Variants in MAP2 observed in about 807,000 individuals in gnomAD.
MAP2 encodes the protein microtubule-associated protein 2.
A neutral mutation model predicts 137.6 loss-of-function variants in MAP2; 14 were observed. The observed-to-expected ratio is 0.10, with a 90% CI of 0.07 to 0.16. The LOEUF (loss-of-function observed/expected upper bound fraction) is 0.16. MAP2 is among the 10% of genes least tolerant of loss of function. The pLI is 1.00. For missense variants in MAP2, 2,088 were observed against 2,191.5 expected, an observed-to-expected ratio of 0.95 and a Z score of 0.94; for synonymous variants, 786 against 782.3, an observed-to-expected ratio of 1.00 and a Z score of -0.08.
chr2:209,495,752 A>G (rs2059676494), intron 1 of MAP2, among the ~76,000 whole-genome samples: 1 of 152,236 alleles, frequency 6.6e-6, no homozygotes, highest in Admixed American at 6.5e-5. Flanking sequence ...AGAATGATTG[A>G]GTTGTATTAA....
At chr2:209,615,879 G>A (rs1262943500) in intron 3 of MAP2, among the ~76,000 whole-genome samples, 1 of 152,048 alleles carries the variant, frequency 6.6e-6, no homozygotes, top group Non-Finnish European at 1.5e-5. Flanking sequence ...TCCTTTGAGT[G>A]GTATCTTCAC....
intron 2 of MAP2, among the ~76,000 whole-genome samples, chr2:209,549,326 G>A (rs1450434711): frequency 6.6e-6 from 1 of 152,112 alleles, no homozygotes; most frequent in African/African-American, 2.4e-5. Flanking sequence ...CTCTTCACCA[G>A]AACAGACTTG....
Position 209,715,217 on chromosome 2 carries a change from CTAGT to C in MAP2, c.5073+4967_5073+4970del, listed in dbSNP as rs528245058. Among the ~76,000 whole-genome samples, 750 of 151,858 alleles carry C rather than the reference CTAGT, an allele frequency of 4.9e-3. 5 individuals carry two copies. Among genetic ancestry groups the C allele is most frequent in the African/African-American group, 0.017 (686 of 41,458 alleles). ...AAAAATTAAGGTTTTAAAATAGAAG[CTAGT>C]TAGCTTTTTAATTTCTAAGGATAAT... On this transcript the variant is annotated intron_variant, in intron 13 of 15. Coordinates refer to ENST00000682079, the MANE Select transcript of MAP2 (RefSeq NM_001375505.1).
At chr2:209,518,777 G>GC (rs1559267441) in intron 2 of MAP2, among the ~76,000 whole-genome samples, 1 of 151,878 alleles carries the variant, frequency 6.6e-6, no homozygotes, top group Non-Finnish European at 1.5e-5. Context: ...GTCTGTTTTT[G>GC]TCGTAGGTTT....
chr2:209,625,920 T>C (rs1391450086), intron 4 of MAP2, among the ~76,000 whole-genome samples: 1 of 152,158 alleles, frequency 6.6e-6, no homozygotes, highest in Non-Finnish European at 1.5e-5. Context: ...AAACTCAAAA[T>C]TCCTATGATA....
intron 4 of MAP2, among the ~76,000 whole-genome samples, chr2:209,650,739 G>A (rs1051792121): frequency 3.3e-5 from 5 of 152,188 alleles, no homozygotes; most frequent in Non-Finnish European, 7.4e-5. Flanking sequence ...AGGGAAAACT[G>A]TATGCAAGGG....
chr2:209,646,049 G>A (rs1359633776), intron 4 of MAP2, among the ~76,000 whole-genome samples: 2 of 152,066 alleles, frequency 1.3e-5, no homozygotes, highest in Non-Finnish European at 2.9e-5. Context: ...AGCTGGGCAT[G>A]TGGCACATAG....
intron 13 of MAP2, among the ~76,000 whole-genome samples, chr2:209,723,244 G>A (rs1249273950): frequency 6.6e-6 from 1 of 152,168 alleles, no homozygotes; most frequent in African/African-American, 2.4e-5. Flanking sequence ...AACCACTATT[G>A]AACCTTACCT....
At chr2:209,463,488 C>T (rs955130691) in intron 1 of MAP2, among the ~76,000 whole-genome samples, 42 of 152,200 alleles carry the variant, frequency 2.8e-4, no homozygotes, top group Non-Finnish European at 4.4e-4. Flanking sequence ...GAGGAAGCAG[C>T]TTTCAACATA....
chr2:209,436,888 T>C (rs2149356354), intron 1 of MAP2, among the ~76,000 whole-genome samples: 1 of 151,872 alleles, frequency 6.6e-6, no homozygotes, highest in East Asian at 1.9e-4. Flanking sequence ...TTATGATTTC[T>C]CTTTATCCTA....
At position 209,723,819 on chromosome 2, in the gene MAP2, G is replaced by A. The variant is rs2072578268; in HGVS notation, c.5074-1890G>A. 4 of 622,206 alleles carry A rather than the reference G, an allele frequency of 6.4e-6. No individual in the cohort carries two copies. The Admixed American group carries it at 1.1e-4, about 16-fold the overall frequency. The allele number at this position is 622,206 out of a possible 1,614,324, so 38.5% of individuals were successfully genotyped here. A position where few individuals can be genotyped will look rare whatever the true frequency, so the allele number is the denominator to read the frequency against. On this transcript the variant is annotated intron_variant, in intron 13 of 15. Coordinates refer to ENST00000682079, the MANE Select transcript of MAP2 (RefSeq NM_001375505.1). ...CACTGCTGTTCCACATGTCTCCCTG[G>A]TATGATAGCTTGTAGCCTTGCATTT...
At chr2:209,706,253 G>T (rs912481008) in intron 12 of MAP2, among the ~76,000 whole-genome samples, 1 of 152,050 alleles carries the variant, frequency 6.6e-6, no homozygotes, top group Non-Finnish European at 1.5e-5. Flanking sequence ...TTCATGAACT[G>T]ATTGGCAATT....
At chr2:209,428,782 G>T (rs77222269) in intron 1 of MAP2, among the ~76,000 whole-genome samples, 243 of 151,920 alleles carry the variant, frequency 1.6e-3, no homozygotes, top group Non-Finnish European at 3.0e-3. Flanking sequence ...CCTCAAAAAG[G>T]CCTTTAAAAA....
At chr2:209,726,776 C>T (rs1226867469) in intron 14 of MAP2, among the ~76,000 whole-genome samples, 1 of 152,072 alleles carries the variant, frequency 6.6e-6, no homozygotes, top group Non-Finnish European at 1.5e-5. Context: ...AGAAAAAACT[C>T]TGCCTCCATA....
chr2:209,698,153 T>G (rs2060767132), intron 10 of MAP2, among the ~76,000 whole-genome samples: 1 of 152,104 alleles, frequency 6.6e-6, no homozygotes, highest in African/African-American at 2.4e-5. Context: ...CGGCCTGCTA[T>G]CTACTTATTA....
chr2:209,512,200 C>T (rs35241611), intron 2 of MAP2, among the ~76,000 whole-genome samples: 4,612 of 151,986 alleles, frequency 0.03, 87 homozygotes, highest in South Asian at 0.07. Flanking sequence ...CTTTTAAGCC[C>T]TCTATCAAAA....
chr2:209,445,277 G>A (rs1015752140), intron 1 of MAP2, among the ~76,000 whole-genome samples: 1 of 151,572 alleles, frequency 6.6e-6, no homozygotes, highest in Non-Finnish European at 1.5e-5. Context: ...AGAGGTTTAC[G>A]TTCACCTTTA....
At chr2:209,440,327 T>C (rs1697446853) in intron 1 of MAP2, among the ~76,000 whole-genome samples, 1 of 151,654 alleles carries the variant, frequency 6.6e-6, no homozygotes, top group Middle Eastern at 3.4e-3. Context: ...TGAGTACTTT[T>C]GGAGAAAACA....
intron 4 of MAP2, among the ~76,000 whole-genome samples, chr2:209,642,901 A>AG (rs2094142909): frequency 6.6e-6 from 1 of 152,224 alleles, no homozygotes; most frequent in South Asian, 2.1e-4. Flanking sequence ...AATACCATTA[A>AG]GGACCAAAAC....
Sources: allele counts gnomAD v4.1 joint callset (sites outside exome capture counted in the v4.1 genomes callset), GRCh38; gene constraint gnomAD v4.1.1; transcripts MANE v1.5; gene names NCBI Gene and HGNC (gene_info 2026-07-23, HGNC 2026-07-21).